The following RBMS3 variants were observed in gnomAD, a reference collection of about 807,000 sequenced individuals.
RBMS3 encodes RNA-binding motif, single-stranded-interacting protein 3.
RBMS3 carries 27 observed loss-of-function variants against 66.8 expected under a neutral mutation model. That is an observed-to-expected ratio of 0.40 (90% CI 0.30 to 0.56). The LOEUF is 0.56. Among genes scored for constraint, RBMS3 ranks in the 20% least tolerant of loss-of-function variants. The pLI is 0.40. For synonymous variants in RBMS3, 188 were observed against 183.0 expected (o/e 1.03, Z -0.22); for missense variants, 513 against 549.5 (o/e 0.93, Z 0.66).
At chr3:29,384,426 T>TAAG (rs1260902457) in intron 1 of RBMS3, among the ~76,000 whole-genome samples, 17 of 93,368 alleles carry the variant, frequency 1.8e-4, no homozygotes, top group East Asian at 1.4e-3. Context: ...CCAATAATAA[T>TAAG]AATAATAATA....
chr3:29,469,447 G>T lies in RBMS3; in HGVS notation c.249-18994G>T, dbSNP rs149847775. Among the ~76,000 whole-genome samples the T allele has an allele frequency of 2.8e-4, 43 of 152,010 alleles. No homozygotes were observed. The East Asian group carries it at 8.1e-3, about 29-fold the overall frequency. On this transcript the variant is annotated intron_variant, in intron 2 of 14. Transcript: ENST00000383767. ...GACAAAAATAAAGGGAAGGTGTTTG[G>T]ATAAACCTAAGTGAAAACAGATGGG...
At chr3:29,381,764 A>G (rs1057316479) in intron 1 of RBMS3, among the ~76,000 whole-genome samples, 3 of 152,236 alleles carry the variant, frequency 2.0e-5, no homozygotes, top group Non-Finnish European at 4.4e-5. Flanking sequence ...TGGGTCAGAC[A>G]TCACATATGT....
At chr3:29,763,748 T>G (rs1258906869) in intron 6 of RBMS3, among the ~76,000 whole-genome samples, 1 of 152,078 alleles carries the variant, frequency 6.6e-6, no homozygotes, top group Non-Finnish European at 1.5e-5. Flanking sequence ...AAGGTTTTAA[T>G]ATTAACTAAG....
intron 12 of RBMS3, among the ~76,000 whole-genome samples, chr3:29,964,186 CAT>C (rs1338821795): frequency 6.6e-6 from 1 of 152,158 alleles, no homozygotes; most frequent in Non-Finnish European, 1.5e-5. Context: ...TGAAGTATAA[CAT>C]AAGACTTCAG....
intron 6 of RBMS3, among the ~76,000 whole-genome samples, chr3:29,830,076 T>C (rs1249265177): frequency 6.6e-6 from 1 of 152,172 alleles, no homozygotes; most frequent in Non-Finnish European, 1.5e-5. Flanking sequence ...TTCTGTTTCT[T>C]TGGGCTACAT....
intron 1 of RBMS3, among the ~76,000 whole-genome samples, chr3:29,347,882 C>T (rs187458108): frequency 5.3e-5 from 8 of 152,238 alleles, no homozygotes; most frequent in Non-Finnish European, 1.5e-5. Flanking sequence ...GGCCTTAAAG[C>T]TTAGGTTTAT....
intron 3 of RBMS3, among the ~76,000 whole-genome samples, chr3:29,535,994 G>T (rs964796212): frequency 6.6e-6 from 1 of 151,750 alleles, no homozygotes; most frequent in Non-Finnish European, 1.5e-5. Context: ...TTTAAATTTC[G>T]TCTGAAGTTT....
At chr3:29,997,793 C>A (rs1292594684) in intron 14 of RBMS3, among the ~76,000 whole-genome samples, 1 of 152,040 alleles carries the variant, frequency 6.6e-6, no homozygotes, top group Admixed American at 6.5e-5. Flanking sequence ...CTATCTATGA[C>A]AAACCCACAG....
At chr3:29,401,227 C>T (rs915850828) in intron 1 of RBMS3, among the ~76,000 whole-genome samples, 2 of 151,868 alleles carry the variant, frequency 1.3e-5, no homozygotes, top group African/African-American at 4.8e-5. Flanking sequence ...CAGAATTTTC[C>T]CTCATTTATT....
At chr3:29,341,300 A>T (rs2036269870) in intron 1 of RBMS3, among the ~76,000 whole-genome samples, 1 of 152,048 alleles carries the variant, frequency 6.6e-6, no homozygotes, top group Non-Finnish European at 1.5e-5. Context: ...ATTATTAACA[A>T]CTCTGTGAAG....
At chr3:29,739,582 T>A in intron 4 of RBMS3, 138 bp from the exon 5 acceptor site, 2 of 630,008 alleles carry the variant, frequency 3.2e-6, no homozygotes, top group South Asian at 3.6e-5. Flanking sequence ...TAAAAAGAAG[T>A]AATGCCCCTA....
At chr3:29,662,469 T>C (rs183386048) in intron 4 of RBMS3, among the ~76,000 whole-genome samples, 27 of 152,328 alleles carry the variant, frequency 1.8e-4, no homozygotes, top group African/African-American at 6.5e-4. Flanking sequence ...GCTCATATTC[T>C]TGTGTTACAA....
At chr3:29,564,368 C>G (rs2046666716) in intron 3 of RBMS3, among the ~76,000 whole-genome samples, 1 of 151,784 alleles carries the variant, frequency 6.6e-6, no homozygotes, top group Non-Finnish European at 1.5e-5. Flanking sequence ...CACCTGTAAT[C>G]CCAGCTATTT....
intron 1 of RBMS3, among the ~76,000 whole-genome samples, chr3:29,350,969 C>T (rs1256531778): frequency 1.3e-5 from 2 of 151,744 alleles, no homozygotes; most frequent in Admixed American, 6.6e-5. Flanking sequence ...CTACCATTAA[C>T]AATTCTGCCT....
intron 4 of RBMS3, among the ~76,000 whole-genome samples, chr3:29,604,116 T>A (rs1448680212): frequency 6.6e-6 from 1 of 151,936 alleles, no homozygotes; most frequent in African/African-American, 2.4e-5. Context: ...AATGTCAAGG[T>A]TGAGAAACGC....
intron 6 of RBMS3, among the ~76,000 whole-genome samples, chr3:29,784,163 C>A (rs1410058707): frequency 6.6e-6 from 1 of 152,006 alleles, no homozygotes; most frequent in Admixed American, 6.6e-5. Context: ...AACAAAGAAA[C>A]AATGGACTTA....
At chr3:29,859,713 A>T (rs1432145870) in intron 6 of RBMS3, among the ~76,000 whole-genome samples, 1 of 152,236 alleles carries the variant, frequency 6.6e-6, no homozygotes, top group Non-Finnish European at 1.5e-5. Flanking sequence ...GTCAAAAGAA[A>T]ATGTAACCAA....
Position 29,532,721 on chromosome 3 carries a change from C to G in RBMS3, c.307+44222C>G, listed in dbSNP as rs186507629. Among the ~76,000 whole-genome samples, 4 of 152,118 alleles carry G rather than the reference C, an allele frequency of 2.6e-5. No homozygotes were observed. The East Asian group carries it at 7.8e-4, about 30-fold the overall frequency. On this transcript the variant is annotated intron_variant, in intron 3 of 14. Coordinates refer to ENST00000383767, the MANE Select transcript of RBMS3 (RefSeq NM_001003793.3). ...TCTAGTGCGGACAACGTAGCCAGATCCAGTCTCTAAAAATAGCAACAAGAA... is the reference window on the plus strand; with the variant it reads ...TCTAGTGCGGACAACGTAGCCAGATGCAGTCTCTAAAAATAGCAACAAGAA...
At chr3:29,870,886 G>A (rs1023764425) in intron 7 of RBMS3, among the ~76,000 whole-genome samples, 1 of 151,998 alleles carries the variant, frequency 6.6e-6, no homozygotes, top group Non-Finnish European at 1.5e-5. Context: ...CAGAGAGATA[G>A]CATGCCCTAG....
Sources: gnomAD v4.1 joint callset for allele counts (sites outside exome capture counted in the v4.1 genomes callset) on GRCh38, gnomAD v4.1.1 for gene constraint, MANE v1.5 for transcripts, NCBI Gene and HGNC (gene_info 2026-07-23, HGNC 2026-07-21) for gene names.